DYNC1I1: variants seen among roughly 807,000 people sequenced by gnomAD.
DYNC1I1 encodes dynein cytoplasmic 1 intermediate chain 1, also known as cytoplasmic dynein 1 intermediate chain 1.
DYNC1I1 carries 43 observed loss-of-function variants against 86.6 expected under a neutral mutation model. The ratio of observed to expected loss-of-function variants is 0.50; its 90% confidence interval spans 0.39 to 0.64. DYNC1I1 has a LOEUF of 0.64. Ranked by LOEUF, DYNC1I1 falls within the 30% of genes least tolerant of loss-of-function variation. The pLI, the probability that DYNC1I1 is intolerant of heterozygous loss-of-function variation, is 0.00. For synonymous variants in DYNC1I1, 262 were observed against 283.7 expected (o/e 0.92, Z 0.77); for missense variants, 604 against 788.8 (o/e 0.77, Z 2.81).
At chr7:95,898,343 T>C (rs1584139762) in intron 6 of DYNC1I1, among the ~76,000 whole-genome samples, 1 of 152,170 alleles carries the variant, frequency 6.6e-6, no homozygotes, top group Middle Eastern at 3.4e-3. Context: ...CAAGGTTCAC[T>C]AGTGAAGCAT....
intron 9 of DYNC1I1, among the ~76,000 whole-genome samples, chr7:95,992,087 T>A (rs1337151961): frequency 6.6e-6 from 1 of 152,132 alleles, no homozygotes; most frequent in Non-Finnish European, 1.5e-5. Context: ...CTTGAACTCC[T>A]GACCTCAGGT....
chr7:95,782,768 T>C (rs996868799), intron 1 of DYNC1I1, among the ~76,000 whole-genome samples: 5 of 152,132 alleles, frequency 3.3e-5, no homozygotes, highest in Admixed American at 2.0e-4. Flanking sequence ...GTGGTTTTAT[T>C]GAGTGGTGGA....
chr7:95,784,398 G>T, intron 1 of DYNC1I1, among the ~76,000 whole-genome samples: 1 of 152,196 alleles, frequency 6.6e-6, no homozygotes, highest in Middle Eastern at 3.2e-3. Flanking sequence ...CCGTAGCAAA[G>T]GACTGACGAG....
At chr7:96,100,078 T>C (rs1791104783), downstream of DYNC1I1, among the ~76,000 whole-genome samples, 1 of 152,188 alleles carries the variant, frequency 6.6e-6, no homozygotes, top group Non-Finnish European at 1.5e-5. Context: ...GAGAACATGG[T>C]TGAATGACAG....
chr7:95,813,301 G>A lies in DYNC1I1; in HGVS notation c.278G>A (p.Gly93Glu), dbSNP rs745644201. Residue 93 changes from glycine (G) to glutamate (E), a missense_variant, in exon 4 of 17, where the codon GGA becomes GAA. Physicochemically the swap from Gly to Glu is moderately conservative, Grantham distance 98. Transcript: ENST00000447467. The stretch of plus-strand genomic sequence containing the variant: ...TCAGTGAGCACTCCCAGTGAAGCTG[G>A]AAGCCAAGACTCAGGCGATCTGGGG... ...SKSVSTPSEA[G>E]SQDSGDLGPL... 1.0e-4 allele frequency: 167 copies of A among 1,611,524 alleles called. No homozygotes were observed. Among genetic ancestry groups the A allele is most frequent in the Non-Finnish European group, 1.4e-4 (163 of 1,179,336 alleles).
At chr7:95,875,616 GTTTACATGATCTAA>G (rs1790290368) in intron 6 of DYNC1I1, among the ~76,000 whole-genome samples, 1 of 152,174 alleles carries the variant, frequency 6.6e-6, no homozygotes, top group African/African-American at 2.4e-5. Context: ...GAAAGATGAG[GTTTACATGATCTAA>G]TGGCCTTGGT....
intron 16 of DYNC1I1, among the ~76,000 whole-genome samples, chr7:96,082,844 A>T (rs1284783556): frequency 6.6e-6 from 1 of 152,174 alleles, no homozygotes; most frequent in South Asian, 2.1e-4. Context: ...GGATGCTATC[A>T]TCATTTCTAA....
rs537427748 is a variant in DYNC1I1, at chr7:95,998,521, A to G, written c.969+2448A>G. ...TATAACTTTTCTTCTATCCTATCTG[A>G]TCTTTGCTAAATCTTATTTATTACA... On this transcript the variant is annotated intron_variant, in intron 10 of 16. Transcript: ENST00000447467. 3.3e-4 allele frequency among the ~76,000 whole-genome samples: 50 copies of G among 152,196 alleles called. 1 individual carries two copies. Among genetic ancestry groups the G allele is most frequent in the African/African-American group, 1.2e-3 (48 of 41,464 alleles).
intron 12 of DYNC1I1, among the ~76,000 whole-genome samples, chr7:96,033,416 A>G (rs571235826): frequency 6.6e-6 from 1 of 152,322 alleles, no homozygotes; most frequent in African/African-American, 2.4e-5. Context: ...AACTAAATGC[A>G]ACTTGCAAGA....
chr7:95,833,461 T>G lies in DYNC1I1; in HGVS notation c.374+5345T>G, dbSNP rs1417813828. Among the ~76,000 whole-genome samples the G allele has an allele frequency of 6.1e-5, 9 of 147,012 alleles. 1 individual carries two copies. The East Asian group carries it at 1.9e-3, about 30-fold the overall frequency. On this transcript the variant is annotated intron_variant, in intron 5 of 16. Transcript: ENST00000447467. Reference sequence around the variant, plus strand: ...TTGACTTGGTGATGGGGGCTCTTTTTTGGTTCCATATGAACTTTAAAGTAG... The same window carrying G: ...TTGACTTGGTGATGGGGGCTCTTTTGTGGTTCCATATGAACTTTAAAGTAG...
intron 13 of DYNC1I1, among the ~76,000 whole-genome samples, chr7:96,037,244 C>A (rs1371024544): frequency 6.6e-6 from 1 of 152,142 alleles, no homozygotes; most frequent in Non-Finnish European, 1.5e-5. Flanking sequence ...CCTTCATAAA[C>A]CCTGGCTAAA....
At position 95,908,718 on chromosome 7, in the gene DYNC1I1, T is replaced by C. The variant is rs1053137006; in HGVS notation, c.490+38720T>C. Among the ~76,000 whole-genome samples the C allele has an allele frequency of 3.3e-5, 5 of 152,238 alleles. No individual in the cohort carries two copies. In the East Asian group the frequency reaches 5.8e-4, roughly 18 times the overall value. On this transcript the variant is annotated intron_variant, in intron 6 of 16. Coordinates refer to ENST00000447467, the MANE Select transcript of DYNC1I1 (RefSeq NM_001135556.2). ...AGGAATCTAGGACTCCTGGTGATTT[T>C]CCCCAGCGGTTGGTTTAGAAAGTGT...
At chr7:95,931,061 A>G (rs1341789881) in intron 6 of DYNC1I1, among the ~76,000 whole-genome samples, 1 of 152,220 alleles carries the variant, frequency 6.6e-6, no homozygotes. Context: ...GCTGCATTAA[A>G]TGTCAGGTGA....
intron 15 of DYNC1I1, among the ~76,000 whole-genome samples, 178 bp downstream of exon 15, chr7:96,076,375 A>C (rs1790340928): frequency 6.6e-6 from 1 of 152,216 alleles, no homozygotes; most frequent in African/African-American, 2.4e-5. Context: ...CATTGGCCAA[A>C]AATCACTTAA....
rs753181956 is a variant in DYNC1I1 at position 95,804,336 on chromosome 7, A to AT, written c.-9-383dup. ...TTTTCTTTTCTCAGTGTGGGGATGA[A>AT]TTGCTCCATTATCATCTAAATTGGA... is the stretch of plus-strand genomic sequence containing the variant. On this transcript the variant is annotated intron_variant, in intron 1 of 16. Coordinates refer to ENST00000447467, the MANE Select transcript of DYNC1I1 (RefSeq NM_001135556.2). The AT allele has an allele frequency of 4.0e-5, 51 of 1,270,806 alleles. No individual in the cohort carries two copies. In the South Asian group the frequency reaches 6.4e-4, roughly 16 times the overall value. The allele number at this position is 1,270,806 out of a possible 1,614,324, so 78.7% of individuals were successfully genotyped here.
At chr7:95,895,151 T>C (rs982993389) in intron 6 of DYNC1I1, among the ~76,000 whole-genome samples, 1 of 152,208 alleles carries the variant, frequency 6.6e-6, no homozygotes, top group Non-Finnish European at 1.5e-5. Context: ...GAAAGTGCTT[T>C]GGAACTTCAT....
Position 95,837,846 on chromosome 7 carries a change from C to A in DYNC1I1, c.374+9730C>A, listed in dbSNP as rs543624674. Reference sequence around the variant, plus strand: ...TTCGGCTCGCGCATGGTGCGCGCACCCACTGACCTGCGTCCACTGTCTGGC... The same window carrying A: ...TTCGGCTCGCGCATGGTGCGCGCACACACTGACCTGCGTCCACTGTCTGGC... On this transcript the variant is annotated intron_variant, in intron 5 of 16. Transcript: ENST00000447467. Among the ~76,000 whole-genome samples, 523 of 151,952 alleles carry A rather than the reference C, an allele frequency of 3.4e-3. 1 individual carries two copies. Among genetic ancestry groups the A allele is most frequent in the African/African-American group, 0.012 (497 of 41,194 alleles).
At chr7:95,909,991 G>C (rs961351711) in intron 6 of DYNC1I1, among the ~76,000 whole-genome samples, 1 of 152,208 alleles carries the variant, frequency 6.6e-6, no homozygotes, top group African/African-American at 2.4e-5. Context: ...TCCTGGGTCA[G>C]AAGACTGGCT....
chr7:95,969,935 A>C (rs1030389714), intron 6 of DYNC1I1, among the ~76,000 whole-genome samples: 1 of 152,206 alleles, frequency 6.6e-6, no homozygotes, highest in Admixed American at 6.5e-5. Context: ...ATATTTAACA[A>C]AGTGCTTACT....
Sources: allele counts gnomAD v4.1 joint callset (sites outside exome capture counted in the v4.1 genomes callset), GRCh38; gene constraint gnomAD v4.1.1; transcripts MANE v1.5; gene names NCBI Gene and HGNC (gene_info 2026-07-23, HGNC 2026-07-21).